The following PHACTR3 variants were observed in gnomAD, a reference collection of about 807,000 sequenced individuals.
PHACTR3 encodes the protein protein phosphatase 1, regulatory subunit 123.
A neutral mutation model predicts 66.8 loss-of-function variants in PHACTR3; 16 were observed. That is an observed-to-expected ratio of 0.24 (90% CI 0.16 to 0.36). The LOEUF (loss-of-function observed/expected upper bound fraction) is 0.36, where lower values mean the gene tolerates loss of function less well. PHACTR3 is among the 10% of genes least tolerant of loss of function. The probability of loss-of-function intolerance (pLI) is 1.00; values close to 1 mark genes in which losing one functional copy is unlikely to be tolerated. For missense variants in PHACTR3, 647 were observed against 719.9 expected, an observed-to-expected ratio of 0.90 and a Z score of 1.16; for synonymous variants, 323 against 292.1, an observed-to-expected ratio of 1.11 and a Z score of -1.08.
intron 7 of PHACTR3, among the ~76,000 whole-genome samples, chr20:59,784,887 C>T (rs2040850762): frequency 6.6e-6 from 1 of 152,204 alleles, no homozygotes; most frequent in Non-Finnish European, 1.5e-5. Context: ...TCAATCTTGG[C>T]TGCTCTTGCT....
chr20:59,687,544 A>G (rs140318351), intron 1 of PHACTR3, among the ~76,000 whole-genome samples: 2 of 152,196 alleles, frequency 1.3e-5, no homozygotes, highest in Non-Finnish European at 2.9e-5. Context: ...TGAGAGGATC[A>G]TGATTTCCCA....
At chr20:59,716,178 GC>G (rs1160995777) in intron 1 of PHACTR3, among the ~76,000 whole-genome samples, 1 of 150,950 alleles carries the variant, frequency 6.6e-6, no homozygotes. Context: ...GAGGTTCCCT[GC>G]CCCTGCTTTG....
At chr20:59,628,106 G>T (rs527841365) in intron 1 of PHACTR3, 1 of 152,244 alleles carries the variant, frequency 6.6e-6, no homozygotes, top group East Asian at 1.9e-4. Flanking sequence ...ACCTCTTAAG[G>T]CTTCGGCATG....
chr20:59,716,249 TGTGTGTGTGTGTG>T (rs2038088064), intron 1 of PHACTR3, among the ~76,000 whole-genome samples: 1 of 138,270 alleles, frequency 7.2e-6, no homozygotes, highest in Non-Finnish European at 1.5e-5. Context: ...TGTGTGTGTG[TGTGTGTGTGTGTG>T]TTGTGACAGA....
At chr20:59,699,853 T>C (rs939979804) in intron 1 of PHACTR3, among the ~76,000 whole-genome samples, 2 of 152,076 alleles carry the variant, frequency 1.3e-5, no homozygotes, top group African/African-American at 4.8e-5. Flanking sequence ...TCCCAGCTAC[T>C]CAGGAGGCTG....
intron 5 of PHACTR3, among the ~76,000 whole-genome samples, chr20:59,767,850 TTTCTGTTCCATTCCATTCTG>T (rs1018450753): frequency 2.6e-5 from 4 of 151,864 alleles, no homozygotes; most frequent in African/African-American, 9.7e-5. Flanking sequence ...TTTCCATTCC[TTTCTGTTCCATTCCATTCTG>T]TTCTGTTCCA....
chr20:59,624,887 A>G (rs768465112), intron 1 of PHACTR3, among the ~76,000 whole-genome samples: 5 of 152,178 alleles, frequency 3.3e-5, no homozygotes, highest in African/African-American at 7.2e-5. Context: ...CCACTCTTGA[A>G]ACATTATTAT....
At chr20:59,689,638 C>A (rs1456783324) in intron 1 of PHACTR3, among the ~76,000 whole-genome samples, 3 of 152,174 alleles carry the variant, frequency 2.0e-5, no homozygotes, top group African/African-American at 7.2e-5. Context: ...ATAGTCCAGC[C>A]CCATCATTCC....
intron 1 of PHACTR3, among the ~76,000 whole-genome samples, chr20:59,726,476 C>G (rs1321591115): frequency 6.6e-6 from 1 of 152,166 alleles, no homozygotes. Context: ...AAGACGCAGG[C>G]AAACGGAAAA....
intron 1 of PHACTR3, among the ~76,000 whole-genome samples, chr20:59,684,922 G>A (rs986741489): frequency 3.3e-5 from 5 of 152,098 alleles, no homozygotes; most frequent in African/African-American, 1.2e-4. Flanking sequence ...CATGTCCTGT[G>A]GCTCAGCACG....
intron 1 of PHACTR3, among the ~76,000 whole-genome samples, chr20:59,711,184 C>G (rs2037902919): frequency 6.6e-6 from 1 of 152,122 alleles, no homozygotes; most frequent in African/African-American, 2.4e-5. Flanking sequence ...TCACTGGATA[C>G]TTGAAATTCT....
intron 1 of PHACTR3, among the ~76,000 whole-genome samples, chr20:59,671,877 C>G (rs1216980011): frequency 6.6e-6 from 1 of 152,258 alleles, no homozygotes; most frequent in African/African-American, 2.4e-5. Context: ...GTTCACCTCA[C>G]CTACTTACCT....
chr20:59,633,618 CT>C (rs1279763911), intron 1 of PHACTR3, among the ~76,000 whole-genome samples: 4 of 152,148 alleles, frequency 2.6e-5, no homozygotes, highest in Non-Finnish European at 5.9e-5. Context: ...TCCCGCTTTT[CT>C]TTTGTTTTTG....
intron 1 of PHACTR3, among the ~76,000 whole-genome samples, chr20:59,589,744 T>C (rs545572929): frequency 6.6e-6 from 1 of 152,260 alleles, no homozygotes; most frequent in African/African-American, 2.4e-5. Context: ...CATGTTTGGG[T>C]GACAAGGGGC....
chr20:59,839,693 T>C (rs942059737), intron 9 of PHACTR3, among the ~76,000 whole-genome samples: 2 of 152,216 alleles, frequency 1.3e-5, no homozygotes, highest in African/African-American at 2.4e-5. Context: ...TGAATGTTAA[T>C]AGTCACAACT....
chr20:59,765,652 G>C (rs76744333), intron 4 of PHACTR3, among the ~76,000 whole-genome samples: 6 of 152,210 alleles, frequency 3.9e-5, no homozygotes, highest in Non-Finnish European at 5.9e-5. Context: ...TACAAGGAGC[G>C]TGCAATATTT....
chr20:59,840,955 A>AAATT (rs777210391), intron 10 of PHACTR3, among the ~76,000 whole-genome samples: 89 of 152,356 alleles, frequency 5.8e-4, no homozygotes, highest in Non-Finnish European at 1.1e-3. Flanking sequence ...GACCATTTCT[A>AAATT]AATTCAAGTG....
At chr20:59,591,994 C>T (rs1388654751) in intron 1 of PHACTR3, among the ~76,000 whole-genome samples, 1 of 152,082 alleles carries the variant, frequency 6.6e-6, no homozygotes, top group African/African-American at 2.4e-5. Context: ...CCTCTGAATC[C>T]TTCTGGAAAG....
chr20:59,699,922 A>G (rs562057701), intron 1 of PHACTR3, among the ~76,000 whole-genome samples: 26 of 152,326 alleles, frequency 1.7e-4, no homozygotes, highest in African/African-American at 6.0e-4. Context: ...AGATCGCGCC[A>G]CTGCACTCCA....
Sources: gnomAD v4.1 joint callset for allele counts (sites outside exome capture counted in the v4.1 genomes callset) on GRCh38, gnomAD v4.1.1 for gene constraint, MANE v1.5 for transcripts, NCBI Gene and HGNC (gene_info 2026-07-23, HGNC 2026-07-21) for gene names.